The following LRMDA variants were observed in gnomAD, a reference collection of about 807,000 sequenced individuals.
LRMDA encodes the protein leucine rich melanocyte differentiation associated.
Under a neutral mutation model 29.8 loss-of-function variants are expected in LRMDA, and 18 were observed. That is an observed-to-expected ratio of 0.60 (90% CI 0.42 to 0.90). LRMDA has a LOEUF of 0.90. LRMDA is among the 40% of genes least tolerant of loss of function. LRMDA has a pLI of 0.00. For missense variants in LRMDA, 273 were observed against 273.9 expected (o/e 1.00, Z 0.02); for synonymous variants, 125 against 109.4 (o/e 1.14, Z -0.89).
chr10:75,828,534 G>T (rs898686649), intron 2 of LRMDA, among the ~76,000 whole-genome samples: 1 of 152,148 alleles, frequency 6.6e-6, no homozygotes, highest in African/African-American at 2.4e-5. Flanking sequence ...CCTTGGAGAT[G>T]GGACTTGGCA....
chr10:75,656,631 C>T (rs1379640353), intron 2 of LRMDA, among the ~76,000 whole-genome samples: 4 of 152,134 alleles, frequency 2.6e-5, no homozygotes, highest in African/African-American at 4.8e-5. Context: ...CATGCCCTGC[C>T]GTTCATTTCC....
chr10:76,355,549 A>C (rs1469517202), intron 6 of LRMDA, among the ~76,000 whole-genome samples: 1 of 152,210 alleles, frequency 6.6e-6, no homozygotes, highest in Non-Finnish European at 1.5e-5. Flanking sequence ...TTATTCTCAG[A>C]TGCTAACTTC....
chr10:75,749,326 G>T (rs1466023391), intron 2 of LRMDA, among the ~76,000 whole-genome samples: 1 of 151,962 alleles, frequency 6.6e-6, no homozygotes, highest in African/African-American at 2.4e-5. Context: ...TAGTACTTTT[G>T]GGGGAGCCAA....
At chr10:75,619,626 T>C (rs572235020) in intron 2 of LRMDA, among the ~76,000 whole-genome samples, 1 of 152,216 alleles carries the variant, frequency 6.6e-6, no homozygotes, top group African/African-American at 2.4e-5. Flanking sequence ...TCATTTTCTC[T>C]GAACGTTTCT....
chr10:75,899,688 T>G (rs1234459120), intron 2 of LRMDA, among the ~76,000 whole-genome samples: 1 of 152,110 alleles, frequency 6.6e-6, no homozygotes, highest in Non-Finnish European at 1.5e-5. Flanking sequence ...CTGGAGTAGG[T>G]GGGGGACTGA....
intron 2 of LRMDA, among the ~76,000 whole-genome samples, chr10:75,810,656 C>T (rs941190159): frequency 2.0e-5 from 3 of 152,124 alleles, no homozygotes; most frequent in African/African-American, 7.2e-5. Context: ...CTTAGAGGAT[C>T]AGAGGGGTTT....
chr10:76,371,686 A>G (rs1314628606), intron 6 of LRMDA, among the ~76,000 whole-genome samples: 2 of 152,128 alleles, frequency 1.3e-5, no homozygotes, highest in Non-Finnish European at 2.9e-5. Context: ...GGGCTGAGTA[A>G]CTTCTTTCTC....
At chr10:76,419,311 A>G (rs1842049978) in intron 6 of LRMDA, among the ~76,000 whole-genome samples, 1 of 151,984 alleles carries the variant, frequency 6.6e-6, no homozygotes, top group Admixed American at 6.6e-5. Context: ...TTCCTTTTCC[A>G]TAATGTAATA....
At chr10:76,465,922 A>G (rs889484353) in intron 6 of LRMDA, among the ~76,000 whole-genome samples, 1 of 152,130 alleles carries the variant, frequency 6.6e-6, no homozygotes, top group African/African-American at 2.4e-5. Context: ...GACACCAGTT[A>G]TATGGGATTA....
chr10:76,413,031 T>A (rs1358315072), intron 6 of LRMDA, among the ~76,000 whole-genome samples: 1 of 152,134 alleles, frequency 6.6e-6, no homozygotes, highest in Non-Finnish European at 1.5e-5. Flanking sequence ...TTTGGATGAG[T>A]CCTGGTGATT....
At chr10:75,896,409 C>T (rs544990768) in intron 2 of LRMDA, among the ~76,000 whole-genome samples, 1 of 152,276 alleles carries the variant, frequency 6.6e-6, no homozygotes, top group South Asian at 2.1e-4. Context: ...TATTGATGAT[C>T]CAAAAGTTGT....
At position 76,202,615 on chromosome 10, in the gene LRMDA, C is replaced by A. The variant is rs139896555; in HGVS notation, c.517-121786C>A. Among the ~76,000 whole-genome samples the A allele has an allele frequency of 5.6e-3, 848 of 152,166 alleles. 15 individuals are homozygous for A. Among genetic ancestry groups the A allele is most frequent in the African/African-American group, 0.019 (807 of 41,512 alleles). On this transcript the variant is annotated intron_variant, in intron 5 of 6. Transcript: ENST00000611255. The stretch of plus-strand genomic sequence containing the variant: ...TTTGTGTCCAGAGAAAGCTATCTGG[C>A]AGTCAGGAGCCCTTTAGAAAAAGGA...
intron 5 of LRMDA, among the ~76,000 whole-genome samples, chr10:76,084,467 G>A (rs536038718): frequency 2.2e-3 from 292 of 132,068 alleles, no homozygotes; most frequent in Non-Finnish European, 2.7e-3. Context: ...TGCCCACCTT[G>A]GCCTCCCAAA....
chr10:76,405,287 A>T (rs1841891016), intron 6 of LRMDA, among the ~76,000 whole-genome samples: 1 of 152,210 alleles, frequency 6.6e-6, no homozygotes, highest in African/African-American at 2.4e-5. Flanking sequence ...ACTTGAAGAC[A>T]GAGGAAAGAA....
chr10:76,202,170 A>G (rs1851446380), intron 5 of LRMDA, among the ~76,000 whole-genome samples: 1 of 152,208 alleles, frequency 6.6e-6, no homozygotes, highest in Non-Finnish European at 1.5e-5. Flanking sequence ...GCCCAGAGTC[A>G]ACATAAGAAG....
intron 6 of LRMDA, among the ~76,000 whole-genome samples, chr10:76,506,159 C>T (rs2637242): frequency 0.73 from 110,987 of 151,944 alleles, 41,264 homozygotes; most frequent in Non-Finnish European, 0.81. Flanking sequence ...AATATGTTAG[C>T]TTACCCAATT....
rs1315663802 is a variant in LRMDA, at chr10:75,894,557, C to T, written c.132-141451C>T. Reference sequence around the variant, plus strand: ...GGGTAGACACCCAATAGTGGGAGAACCAAAAGTAGATCTACCCCCAGTGAT... The same window carrying T: ...GGGTAGACACCCAATAGTGGGAGAATCAAAAGTAGATCTACCCCCAGTGAT... On this transcript the variant is annotated intron_variant, in intron 2 of 6. Coordinates refer to ENST00000611255, the MANE Select transcript of LRMDA (RefSeq NM_001305581.2). 2.0e-5 allele frequency among the ~76,000 whole-genome samples: 3 copies of T among 152,068 alleles called. No individual in the cohort carries two copies. In the South Asian group the frequency reaches 6.2e-4, roughly 32 times the overall value.
intron 6 of LRMDA, among the ~76,000 whole-genome samples, chr10:76,327,756 A>C (rs1840854148): frequency 6.6e-6 from 1 of 152,164 alleles, no homozygotes; most frequent in African/African-American, 2.4e-5. Flanking sequence ...GGGTGAACAC[A>C]CTAAAGGGAA....
chr10:76,094,268 A>C (rs1162334274), intron 5 of LRMDA, among the ~76,000 whole-genome samples: 1 of 152,236 alleles, frequency 6.6e-6, no homozygotes, highest in Non-Finnish European at 1.5e-5. Context: ...ACTGTAGATA[A>C]GTTAGAAAAT....
Sources: allele counts gnomAD v4.1 joint callset (sites outside exome capture counted in the v4.1 genomes callset), GRCh38; gene constraint gnomAD v4.1.1; transcripts MANE v1.5; gene names NCBI Gene and HGNC (gene_info 2026-07-23, HGNC 2026-07-21).